Variants in LMAN1L observed in about 807,000 individuals in gnomAD.
LMAN1L encodes protein ERGIC-53-like.
In LMAN1L, 60 loss-of-function variants were observed where a neutral mutation model predicts 58.3. The ratio of observed to expected loss-of-function variants is 1.03; its 90% CI spans 0.84 to 1.27. The LOEUF (loss-of-function observed/expected upper bound fraction) is 1.27, where lower values mean the gene tolerates loss of function less well. Ranked by LOEUF, LMAN1L falls within the 50% of genes most tolerant of loss-of-function variation. LMAN1L has a pLI of 0.00. For missense variants in LMAN1L, 629 were observed against 674.0 expected (o/e 0.93, Z 0.74); for synonymous variants, 280 against 271.6 (o/e 1.03, Z -0.31).
chr15:74,820,900 CAA>C (rs1567224875), intron 8 of LMAN1L, 133 bp downstream of exon 8: 2 of 1,377,896 alleles, frequency 1.5e-6, no homozygotes, highest in Non-Finnish European at 2.0e-6. Flanking sequence ...GCCCTGGGCC[CAA>C]GTGTTCTGTG....
chr15:74,824,105 T>C (rs1304954030), intron 12 of LMAN1L: 1 of 566,376 alleles, frequency 1.8e-6, no homozygotes, highest in East Asian at 2.9e-5. Flanking sequence ...TCTCTTCTCT[T>C]GAACCCTGGG....
Position 74,823,541 on chromosome 15 carries a change from G to A in LMAN1L, c.1200-18G>A. 1 of 1,613,298 alleles carries A rather than the reference G, an allele frequency of 6.2e-7. No homozygotes were observed. The highest frequency in any genetic ancestry group is 8.5e-7 in the Non-Finnish European group (1 of 1,179,676). On this transcript the variant is annotated intron_variant, in intron 11 of 13. Transcript: ENST00000309664. ...AAGAGGTAATGAGTCATCTTACTTG[G>A]TTACCACCCCCGGTTAGGGATGCAG...
At position 74,824,414 on chromosome 15, in the gene LMAN1L, C is replaced by G; in HGVS notation, c.1387C>G (p.Pro463Ala). Residue 463 changes from proline to alanine, a missense_variant, in exon 13 of 14, where the codon CCT becomes GCT. By Grantham distance (27) the Pro-to-Ala change is conservative. Transcript: ENST00000309664. ...QPPRASSCLQPGIFLFYLLIQ... is the reference protein window; with the variant it reads ...QPPRASSCLQAGIFLFYLLIQ... ...CCCAAGGGCCTCCTCGTGCCTGCAG[C>G]CTGGCATCTTCCTGTTCTACCTCCT... is the stretch of plus-strand genomic sequence containing the variant. 1 of 1,614,076 alleles carries G rather than the reference C, an allele frequency of 6.2e-7. No individual in the cohort carries two copies. Among genetic ancestry groups the G allele is most frequent in the Non-Finnish European group, 8.5e-7 (1 of 1,179,888 alleles).
In LMAN1L at chr15:74,819,207, T is replaced by TG. The variant is rs1567224367; in HGVS notation, c.657dup (p.Pro220AlafsTer22). ...GATCCAGGTGAGTTCTGTGTGGATG[T>TG]GGGGCCCCTGCTTTTGGTCCCTGGA... On this transcript the variant is annotated frameshift_variant, in exon 6 of 14. Transcript: ENST00000309664. LOFTEE classifies it high-confidence loss of function. 6.2e-7 allele frequency: 1 copy of TG among 1,614,172 alleles called. No individual in the cohort carries two copies. The highest frequency in any genetic ancestry group is 2.2e-5 in the East Asian group (1 of 44,882).
chr15:74,816,368 A>T, intron 2 of LMAN1L, 57 bp downstream of exon 2: 1 of 1,599,882 alleles, frequency 6.3e-7, no homozygotes, highest in Admixed American at 1.7e-5. Flanking sequence ...GCGGGTGATG[A>T]GCCCCGGGGT....
In LMAN1L at chr15:74,821,104, C is replaced by G. The variant is rs2063914499; in HGVS notation, c.937C>G (p.Leu313Val). The G allele has an allele frequency of 1.3e-6, 2 of 1,573,948 alleles. No homozygotes were observed. Among genetic ancestry groups the G allele is most frequent in the Non-Finnish European group, 8.6e-7 (1 of 1,159,870 alleles). Residue 313 changes from leucine (L) to valine (V), a missense_variant, in exon 9 of 14, where the codon CTG becomes GTG. Transcript: ENST00000309664. ...AAGGCTCTTTGACCTGGAGGAGACG[C>G]TGGGCAGACACCGCCGGATCCTGCA... ...GERLFDLEET[L>V]GRHRRILQAL...
chr15:74,816,788 G>C, intron 4 of LMAN1L, 98 bp downstream of exon 4: 1 of 1,203,210 alleles, frequency 8.3e-7, no homozygotes. Flanking sequence ...CTCCAGCAGG[G>C]GGCCCACCCT....
At chr15:74,823,957 T>C in intron 12 of LMAN1L, 1 of 518,804 alleles carries the variant, frequency 1.9e-6, no homozygotes. Context: ...CAATATCCAA[T>C]GACCAGAGGG....
Position 74,818,843 on chromosome 15 carries a change from A to G in LMAN1L, c.597+26A>G, listed in dbSNP as rs375165784. On this transcript the variant is annotated intron_variant, in intron 5 of 13. Coordinates refer to ENST00000309664, the MANE Select transcript of LMAN1L (RefSeq NM_021819.3). ...GTGAGTCACCCTTCCTGCTTCTGAC[A>G]GGGCTCTGAGTTACAGAGCTGCTAT... The G allele has an allele frequency of 1.8e-5, 28 of 1,573,756 alleles. No homozygotes were observed. The African/African-American group carries it at 3.4e-4, about 19-fold the overall frequency.
chr15:74,823,707 T>C, intron 12 of LMAN1L, 25 bp downstream of exon 12: 1 of 1,609,396 alleles, frequency 6.2e-7, no homozygotes, highest in East Asian at 2.2e-5. Context: ...GTGGGCAGCA[T>C]GGGGTCCCCA....
chr15:74,824,066 A>T, intron 12 of LMAN1L: 1 of 511,848 alleles, frequency 2.0e-6, no homozygotes. Flanking sequence ...CACCCTGCTC[A>T]CCCTGTCTTT....
intron 4 of LMAN1L, among the ~76,000 whole-genome samples, chr15:74,818,279 A>T (rs763644172): frequency 1.3e-5 from 2 of 152,316 alleles, no homozygotes; most frequent in Non-Finnish European, 2.9e-5. Flanking sequence ...TAGACAAGGT[A>T]CATGTCCCAT....
intron 4 of LMAN1L, 152 bp downstream of exon 4, chr15:74,816,842 C>A: frequency 4.1e-6 from 3 of 728,546 alleles, no homozygotes; most frequent in Non-Finnish European, 6.6e-6. Context: ...TAGCCGACGT[C>A]CGCCCCCCTG....
At chr15:74,814,892 G>T (rs552596556) in intron 1 of LMAN1L, among the ~76,000 whole-genome samples, 1 of 152,338 alleles carries the variant, frequency 6.6e-6, no homozygotes, top group Admixed American at 6.5e-5. Flanking sequence ...GTAACAAAAA[G>T]GTGGGCTGTT....
At position 74,818,778 on chromosome 15, in the gene LMAN1L, C is replaced by CA; in HGVS notation, c.558_559insA (p.Phe187IlefsTer24). The stretch of plus-strand genomic sequence containing the variant: ...GGGACTTCCGGAACCGGCCACACCC[C>CA]TTCAGAGCACGGATCACCTACTGGG... On this transcript the variant is annotated frameshift_variant, in exon 5 of 14. Transcript: ENST00000309664. LOFTEE classifies it high-confidence loss of function. 6.2e-7 allele frequency: 1 copy of CA among 1,611,868 alleles called. No homozygotes were observed. The highest frequency in any genetic ancestry group is 2.2e-5 in the East Asian group (1 of 44,828).
chr15:74,822,054 G>T (rs1457925555), intron 10 of LMAN1L, among the ~76,000 whole-genome samples, 154 bp downstream of exon 10: 1 of 152,158 alleles, frequency 6.6e-6, no homozygotes, highest in Non-Finnish European at 1.5e-5. Context: ...TTGGCATGGT[G>T]GCTCACGCGT....
intron 8 of LMAN1L, 143 bp downstream of exon 8, chr15:74,820,910 G>T (rs2063913616): frequency 1.5e-6 from 2 of 1,358,444 alleles, no homozygotes; most frequent in Non-Finnish European, 2.0e-6. Flanking sequence ...CAAGTGTTCT[G>T]TGCTATCCCC....
At chr15:74,822,247 TC>T (rs1458281784) in intron 10 of LMAN1L, among the ~76,000 whole-genome samples, 2 of 152,130 alleles carry the variant, frequency 1.3e-5, no homozygotes. Context: ...GCATCTGTAG[TC>T]CCAGCTACTT....
chr15:74,813,082 A>AG, intron 1 of LMAN1L, 53 bp downstream of exon 1: 1 of 1,559,336 alleles, frequency 6.4e-7, no homozygotes, highest in Non-Finnish European at 8.7e-7. Flanking sequence ...AAAGTGCTGG[A>AG]GGGGCTGTGA....
Sources: gnomAD v4.1 joint callset for allele counts (sites outside exome capture counted in the v4.1 genomes callset) on GRCh38, gnomAD v4.1.1 for gene constraint, MANE v1.5 for transcripts, NCBI Gene and HGNC (gene_info 2026-07-23, HGNC 2026-07-21) for gene names.